STK31: variants seen among roughly 807,000 people sequenced by gnomAD.
The protein encoded by STK31 is serine/threonine-protein kinase 31.
Under a neutral mutation model 129.7 loss-of-function variants are expected in STK31, and 89 were observed. The observed-to-expected ratio is 0.69, with a 90% CI of 0.58 to 0.82. STK31 has a LOEUF of 0.82. STK31 is among the 40% of genes least tolerant of loss of function. The pLI is 0.00. For missense variants in STK31, 1,187 were observed against 1,176.4 expected (o/e 1.01, Z -0.13); for synonymous variants, 448 against 395.3 (o/e 1.13, Z -1.58).
intron 11 of STK31, among the ~76,000 whole-genome samples, chr7:23,764,540 A>G (rs1466377553): frequency 6.6e-6 from 1 of 152,158 alleles, no homozygotes; most frequent in African/African-American, 2.4e-5. Flanking sequence ...CTTTTGTGGC[A>G]TACAATACAT....
intron 23 of STK31, among the ~76,000 whole-genome samples, chr7:23,821,225 A>G (rs1471943681): frequency 1.3e-5 from 2 of 152,080 alleles, no homozygotes; most frequent in African/African-American, 2.4e-5. Context: ...TATTTGTACT[A>G]TTTTCCATAG....
chr7:23,712,352 A>G, intron 3 of STK31, 66 bp downstream of exon 3: 4 of 1,466,880 alleles, frequency 2.7e-6, no homozygotes, highest in Non-Finnish European at 3.8e-6. Flanking sequence ...CAACAAAAAC[A>G]AAAATAAAAC....
intron 23 of STK31, among the ~76,000 whole-genome samples, chr7:23,830,372 G>A (rs1794468127): frequency 6.6e-6 from 1 of 151,630 alleles, no homozygotes; most frequent in African/African-American, 2.4e-5. Flanking sequence ...TTTTTTGATA[G>A]AAGAATTTAT....
chr7:23,730,144 T>C (rs1787317322), intron 6 of STK31, among the ~76,000 whole-genome samples: 2 of 152,348 alleles, frequency 1.3e-5, no homozygotes, highest in Admixed American at 6.5e-5. Context: ...AAATCTGTTA[T>C]ACAAAGATGA....
At position 23,781,485 on chromosome 7, in the gene STK31, G is replaced by A; in HGVS notation, c.2032G>A (p.Val678Ile). ...KEEITQLRNN[V>I]FQEIYHEREE... ...AGAAATAACTCAGCTGCGCAATAAT[G>A]TCTTTCAGGAAATTTATCATGAGAG... The change falls in exon 16 of 24, where the codon GTC becomes ATC. Residue 678 changes from valine (V) to isoleucine (I), a missense_variant. Physicochemically the swap from Val to Ile is conservative, Grantham distance 29. Transcript: ENST00000355870. 9 of 1,611,588 alleles carry A rather than the reference G, an allele frequency of 5.6e-6. No homozygotes were observed. The highest frequency in any genetic ancestry group is 7.6e-6 in the Non-Finnish European group (9 of 1,178,966).
At chr7:23,742,866 T>C (rs929222015) in intron 8 of STK31, among the ~76,000 whole-genome samples, 3 of 152,112 alleles carry the variant, frequency 2.0e-5, no homozygotes, top group East Asian at 1.9e-4. Flanking sequence ...TTGTTTATCA[T>C]TGTGGTTTGG....
At chr7:23,716,039 A>G (rs1177415730) in intron 3 of STK31, among the ~76,000 whole-genome samples, 1 of 152,148 alleles carries the variant, frequency 6.6e-6, no homozygotes, top group Admixed American at 6.5e-5. Context: ...AATGCTATTA[A>G]CTAAACTACA....
chr7:23,810,616 A>G (rs1375579406), intron 22 of STK31, among the ~76,000 whole-genome samples: 1 of 136,546 alleles, frequency 7.3e-6, no homozygotes, highest in African/African-American at 2.7e-5. Context: ...ATATATATAT[A>G]TAATATATAT....
chr7:23,730,965 A>G (rs1787396681), intron 6 of STK31, among the ~76,000 whole-genome samples: 1 of 143,374 alleles, frequency 7.0e-6, no homozygotes, highest in African/African-American at 2.6e-5. Context: ...GCTCACTGCA[A>G]CCTCCGCCTC....
intron 5 of STK31, 74 bp from the exon 6 acceptor site, chr7:23,729,017 G>A: frequency 2.2e-6 from 3 of 1,376,100 alleles, no homozygotes; most frequent in Non-Finnish European, 2.9e-6. Context: ...TTAACAGAGA[G>A]CAGCAAATTG....
intron 22 of STK31, among the ~76,000 whole-genome samples, chr7:23,799,480 A>G (rs767784905): frequency 2.6e-5 from 4 of 152,176 alleles, no homozygotes; most frequent in Non-Finnish European, 5.9e-5. Context: ...ACCTGACAGA[A>G]GCAAGCAATG....
At chr7:23,786,190 CTG>C (rs925774324) in intron 18 of STK31, among the ~76,000 whole-genome samples, 1 of 151,738 alleles carries the variant, frequency 6.6e-6, no homozygotes, top group Non-Finnish European at 1.5e-5. Flanking sequence ...GAAATCTCAG[CTG>C]TGTTATCAGT....
chr7:23,716,381 G>T (rs1215322252), intron 3 of STK31, among the ~76,000 whole-genome samples: 1 of 152,102 alleles, frequency 6.6e-6, no homozygotes, highest in East Asian at 1.9e-4. Flanking sequence ...CTTGGGTAAG[G>T]TGGCAACTTC....
At chr7:23,824,101 G>T (rs1236945760) in intron 23 of STK31, among the ~76,000 whole-genome samples, 1 of 152,158 alleles carries the variant, frequency 6.6e-6, no homozygotes, top group Admixed American at 6.5e-5. Flanking sequence ...GGTTCCATAT[G>T]AACTTTAAAG....
intron 23 of STK31, among the ~76,000 whole-genome samples, chr7:23,823,417 A>G (rs1229938581): frequency 7.9e-5 from 12 of 152,224 alleles, no homozygotes; most frequent in Non-Finnish European, 1.8e-4. Flanking sequence ...GTCTGTTCAT[A>G]TCCTTCATCC....
intron 10 of STK31, among the ~76,000 whole-genome samples, chr7:23,758,838 C>G (rs565992140): frequency 7.9e-5 from 12 of 152,234 alleles, no homozygotes; most frequent in African/African-American, 2.9e-4. Flanking sequence ...TTAAAAGACA[C>G]AGACTGGCAA....
Position 23,784,074 on chromosome 7 carries a change from G to A in STK31, c.2148+411G>A, listed in dbSNP as rs146920334. Among the ~76,000 whole-genome samples, 48 of 152,264 alleles carry A rather than the reference G, an allele frequency of 3.2e-4. No homozygotes were observed. In the East Asian group the frequency reaches 8.3e-3, roughly 26 times the overall value. ...CTGGGAAAAAATTCTAGAGAGGTTGGTTAAGGTAGAGATGTTGAGGTGGGT... is the reference window on the plus strand; with the variant it reads ...CTGGGAAAAAATTCTAGAGAGGTTGATTAAGGTAGAGATGTTGAGGTGGGT... On this transcript the variant is annotated intron_variant, in intron 17 of 23. Transcript: ENST00000355870.
intron 8 of STK31, among the ~76,000 whole-genome samples, chr7:23,737,663 C>A (rs1395538636): frequency 2.0e-5 from 3 of 152,182 alleles, no homozygotes; most frequent in African/African-American, 7.2e-5. Context: ...GTAGTTTTCT[C>A]CAATCAGGAT....
intron 10 of STK31, among the ~76,000 whole-genome samples, chr7:23,758,076 A>G (rs1339966089): frequency 6.6e-6 from 1 of 152,226 alleles, no homozygotes; most frequent in Non-Finnish European, 1.5e-5. Flanking sequence ...CAGCATCTCA[A>G]GGCAGAATAA....
Sources: allele counts gnomAD v4.1 joint callset (sites outside exome capture counted in the v4.1 genomes callset), GRCh38; gene constraint gnomAD v4.1.1; transcripts MANE v1.5; gene names NCBI Gene and HGNC (gene_info 2026-07-23, HGNC 2026-07-21).